The following PTPRD variants were observed in gnomAD, a reference collection of about 807,000 sequenced individuals.
PTPRD encodes protein tyrosine phosphatase receptor type D.
A neutral mutation model predicts 214.5 loss-of-function variants in PTPRD; 34 were observed. The ratio of observed to expected loss-of-function variants is 0.16; its 90% confidence interval spans 0.12 to 0.21. The LOEUF (loss-of-function observed/expected upper bound fraction) is 0.21, where lower values mean the gene tolerates loss of function less well. Ranked by LOEUF, PTPRD falls within the 10% of genes least tolerant of loss-of-function variation. The pLI is 1.00. For missense variants in PTPRD, 2,545 were observed against 2,398.7 expected (o/e 1.06, Z -1.27); for synonymous variants, 1,128 against 845.7 (o/e 1.33, Z -5.79).
At chr9:8,784,409 T>C (rs1485348151) in intron 11 of PTPRD, among the ~76,000 whole-genome samples, 1 of 152,234 alleles carries the variant, frequency 6.6e-6, no homozygotes, top group Non-Finnish European at 1.5e-5. Flanking sequence ...GATATTTTCA[T>C]TGCTTAAGGT....
intron 10 of PTPRD, among the ~76,000 whole-genome samples, chr9:9,054,328 T>C (rs1390861698): frequency 6.6e-6 from 1 of 152,176 alleles, no homozygotes; most frequent in Admixed American, 6.5e-5. Flanking sequence ...GTTTTAAGAG[T>C]TTAGCCAAAA....
intron 3 of PTPRD, among the ~76,000 whole-genome samples, chr9:10,318,223 A>C (rs1159531965): frequency 6.6e-6 from 1 of 152,036 alleles, no homozygotes; most frequent in East Asian, 1.9e-4. Flanking sequence ...AGTCAACCCC[A>C]GTGGTACAAT....
intron 44 of PTPRD, among the ~76,000 whole-genome samples, chr9:8,324,681 C>A: frequency 6.6e-6 from 1 of 152,148 alleles, no homozygotes; most frequent in Non-Finnish European, 1.5e-5. Flanking sequence ...ACCAAACTGT[C>A]TTCCACACTG....
At chr9:10,485,825 G>C (rs182906509) in intron 2 of PTPRD, among the ~76,000 whole-genome samples, 2 of 151,956 alleles carry the variant, frequency 1.3e-5, no homozygotes, top group Non-Finnish European at 2.9e-5. Context: ...TTCACTTCTT[G>C]TTCCTGCATA....
intron 4 of PTPRD, among the ~76,000 whole-genome samples, chr9:9,987,180 C>T (rs770364772): frequency 6.6e-6 from 1 of 152,076 alleles, no homozygotes; most frequent in Non-Finnish European, 1.5e-5. Flanking sequence ...GGTAGGCTGA[C>T]TATTAATAGA....
chr9:8,530,217 C>T (rs1333775826), intron 14 of PTPRD, among the ~76,000 whole-genome samples: 1 of 152,014 alleles, frequency 6.6e-6, no homozygotes, highest in Admixed American at 6.6e-5. Flanking sequence ...CCAACTCTCT[C>T]CCTCTAGAGC....
intron 12 of PTPRD, among the ~76,000 whole-genome samples, chr9:8,642,882 C>T (rs1454276155): frequency 6.6e-6 from 1 of 152,136 alleles, no homozygotes; most frequent in Non-Finnish European, 1.5e-5. Flanking sequence ...CACAACTATA[C>T]CAACACATGA....
chr9:10,102,564 CATAAAT>C (rs767494628), intron 3 of PTPRD, among the ~76,000 whole-genome samples: 58 of 151,534 alleles, frequency 3.8e-4, no homozygotes, highest in Non-Finnish European at 7.2e-4. Context: ...ATAAAATACT[CATAAAT>C]AAAATAGTAA....
chr9:10,519,618 T>C (rs1589957297), intron 2 of PTPRD, among the ~76,000 whole-genome samples: 1 of 152,134 alleles, frequency 6.6e-6, no homozygotes, highest in East Asian at 1.9e-4. Flanking sequence ...TAAACTGATG[T>C]TTCTGGTAAG....
chr9:10,544,815 G>C (rs2059860641), intron 2 of PTPRD, among the ~76,000 whole-genome samples: 1 of 152,048 alleles, frequency 6.6e-6, no homozygotes, highest in Non-Finnish European at 1.5e-5. Context: ...AATGACTAAT[G>C]GTCCTACATT....
At chr9:9,332,633 G>A (rs1418984915) in intron 9 of PTPRD, among the ~76,000 whole-genome samples, 4 of 150,954 alleles carry the variant, frequency 2.6e-5, no homozygotes, top group Non-Finnish European at 5.9e-5. Context: ...GGATTACGTT[G>A]TTCAACATTT....
chr9:9,818,536 G>A (rs1427668963), intron 5 of PTPRD, among the ~76,000 whole-genome samples: 1 of 152,134 alleles, frequency 6.6e-6, no homozygotes, highest in Non-Finnish European at 1.5e-5. Flanking sequence ...GAAGGACAGA[G>A]AGAGATAGAA....
At chr9:8,538,055 A>G (rs2077383068) in intron 14 of PTPRD, among the ~76,000 whole-genome samples, 1 of 151,974 alleles carries the variant, frequency 6.6e-6, no homozygotes, top group Non-Finnish European at 1.5e-5. Context: ...CGTTTAACTA[A>G]ATACTTAGGC....
intron 9 of PTPRD, among the ~76,000 whole-genome samples, chr9:9,324,461 T>G (rs2136168548): frequency 6.6e-6 from 1 of 152,342 alleles, no homozygotes; most frequent in Middle Eastern, 3.4e-3. Flanking sequence ...CATTTTTTCA[T>G]GTGTCTGTTG....
intron 8 of PTPRD, among the ~76,000 whole-genome samples, chr9:9,573,185 A>G (rs1333440895): frequency 6.6e-6 from 1 of 151,726 alleles, no homozygotes; most frequent in Non-Finnish European, 1.5e-5. Context: ...GCAATTTACC[A>G]CTGCACACAA....
intron 14 of PTPRD, among the ~76,000 whole-genome samples, chr9:8,540,970 A>G (rs1372832543): frequency 6.6e-6 from 1 of 152,206 alleles, no homozygotes. Context: ...AAACAGAGGT[A>G]ATGGCAGTTT....
chr9:10,248,994 C>G (rs904912297), intron 3 of PTPRD, among the ~76,000 whole-genome samples: 1 of 151,904 alleles, frequency 6.6e-6, no homozygotes, highest in Non-Finnish European at 1.5e-5. Flanking sequence ...GAAGTTTGAT[C>G]CCCTAAATCA....
chr9:9,782,221 C>A (rs929470970), intron 5 of PTPRD, among the ~76,000 whole-genome samples: 5 of 152,134 alleles, frequency 3.3e-5, no homozygotes, highest in African/African-American at 1.2e-4. Flanking sequence ...TATGCATGAA[C>A]ATGGTCAGTA....
At chr9:8,330,158 G>A (rs1490132732) in intron 44 of PTPRD, among the ~76,000 whole-genome samples, 2 of 152,094 alleles carry the variant, frequency 1.3e-5, no homozygotes, top group Non-Finnish European at 2.9e-5. Context: ...TGCTTCCTGG[G>A]TGAGGCAACG....
Sources: gnomAD v4.1 joint callset for allele counts (sites outside exome capture counted in the v4.1 genomes callset) on GRCh38, gnomAD v4.1.1 for gene constraint, MANE v1.5 for transcripts, NCBI Gene and HGNC (gene_info 2026-07-23, HGNC 2026-07-21) for gene names.